The following XKR6 variants were observed in gnomAD, a reference collection of about 807,000 sequenced individuals.
XKR6 encodes the protein XK-related protein 6.
Under a neutral mutation model 56.7 loss-of-function variants are expected in XKR6, and 22 were observed. That is an observed-to-expected ratio of 0.39 (90% CI 0.28 to 0.55). The LOEUF (loss-of-function observed/expected upper bound fraction) is 0.55. Among genes scored for constraint, XKR6 ranks in the 20% least tolerant of loss-of-function variants. The pLI, the probability that XKR6 is intolerant of heterozygous loss-of-function variation, is 0.66. For missense variants in XKR6, 852 were observed against 889.0 expected, an observed-to-expected ratio of 0.96 and a Z score of 0.53; for synonymous variants, 524 against 387.8, an observed-to-expected ratio of 1.35 and a Z score of -4.13.
At chr8:11,029,662 C>T (rs1404797015) in intron 1 of XKR6, among the ~76,000 whole-genome samples, 1 of 152,128 alleles carries the variant, frequency 6.6e-6, no homozygotes, top group Non-Finnish European at 1.5e-5. Context: ...TTCACAGCAG[C>T]CCAGTTGACT....
chr8:11,054,889 G>C (rs1455394150), intron 1 of XKR6, among the ~76,000 whole-genome samples: 1 of 152,188 alleles, frequency 6.6e-6, no homozygotes, highest in Non-Finnish European at 1.5e-5. Flanking sequence ...AGCCACCCAA[G>C]GAAGAGGCCC....
At chr8:11,189,665 G>C (rs960745170) in intron 1 of XKR6, among the ~76,000 whole-genome samples, 1 of 152,108 alleles carries the variant, frequency 6.6e-6, no homozygotes, top group Admixed American at 6.5e-5. Context: ...CTAACTCATA[G>C]ATATTGGCAG....
At chr8:10,919,891 G>C (rs1800663271) in intron 2 of XKR6, among the ~76,000 whole-genome samples, 2 of 152,212 alleles carry the variant, frequency 1.3e-5, no homozygotes, top group South Asian at 4.1e-4. Flanking sequence ...GCTTAAGGAA[G>C]ACCCTGCAGA....
intron 1 of XKR6, among the ~76,000 whole-genome samples, chr8:11,166,354 G>C (rs1170146590): frequency 6.6e-6 from 1 of 152,054 alleles, no homozygotes; most frequent in Non-Finnish European, 1.5e-5. Context: ...AGATCACAAG[G>C]CATCTGCTAT....
At chr8:11,091,715 T>C (rs1285571383) in intron 1 of XKR6, among the ~76,000 whole-genome samples, 1 of 152,128 alleles carries the variant, frequency 6.6e-6, no homozygotes, top group East Asian at 1.9e-4. Context: ...CCATTTGCAG[T>C]GATGCCCTGC....
At chr8:11,085,195 C>T (rs904598792) in intron 1 of XKR6, among the ~76,000 whole-genome samples, 1 of 152,216 alleles carries the variant, frequency 6.6e-6, no homozygotes, top group Non-Finnish European at 1.5e-5. Flanking sequence ...GGGCATCACA[C>T]AGACTTCCTC....
intron 1 of XKR6, among the ~76,000 whole-genome samples, chr8:11,112,182 G>C (rs555224609): frequency 4.6e-5 from 7 of 152,136 alleles, no homozygotes; most frequent in Non-Finnish European, 7.4e-5. Context: ...AGTGGCATTA[G>C]TTCTGTCTTT....
chr8:11,013,603 C>T (rs1798548623), intron 1 of XKR6, among the ~76,000 whole-genome samples: 1 of 152,248 alleles, frequency 6.6e-6, no homozygotes, highest in South Asian at 2.1e-4. Flanking sequence ...TTAAAAATTG[C>T]AGTGCCTAGA....
intron 1 of XKR6, among the ~76,000 whole-genome samples, chr8:11,088,423 T>A (rs1182851967): frequency 2.6e-5 from 4 of 152,230 alleles, no homozygotes; most frequent in Non-Finnish European, 4.4e-5. Flanking sequence ...CATTGCTTTG[T>A]CACGTTACTC....
chr8:10,942,101 C>T (rs1186974704), intron 1 of XKR6, among the ~76,000 whole-genome samples: 2 of 152,140 alleles, frequency 1.3e-5, no homozygotes, highest in Non-Finnish European at 2.9e-5. Flanking sequence ...TGCAGGTGCA[C>T]TATCTCACAC....
chr8:10,976,524 G>A (rs1026945937), intron 1 of XKR6, among the ~76,000 whole-genome samples: 2 of 152,310 alleles, frequency 1.3e-5, no homozygotes, highest in African/African-American at 4.8e-5. Context: ...AGGGCTCCCT[G>A]TGCACGGAGG....
At chr8:11,188,904 T>C (rs115069760) in intron 1 of XKR6, among the ~76,000 whole-genome samples, 113 of 152,266 alleles carry the variant, frequency 7.4e-4, no homozygotes, top group African/African-American at 2.5e-3. Flanking sequence ...TGTACATTTC[T>C]AGGTGGAGTG....
chr8:11,200,795 C>T lies in XKR6; in HGVS notation c.545G>A (p.Arg182His), dbSNP rs1399610520. The change falls in exon 1 of 3, where the codon CGC becomes CAC. Residue 182 changes from arginine (R) to histidine (H), a missense_variant. Physicochemically the swap from Arg to His is conservative, Grantham distance 29. This residue lies in a region of XKR6 where 417 missense variants were observed against 355.2 expected (regional missense o/e 1.17). Coordinates refer to ENST00000416569, the MANE Select transcript of XKR6 (RefSeq NM_173683.4). The surrounding 1 kb of genome is among the most constrained non-coding windows in gnomAD (Gnocchi z 6.4). ...GCCCGTGTAGTCCTGCACGAACCAG[C>T]GGAAGCTCAGGCTCTGCACCAGCAG... ...PSLLVQSLSF[R>H]WFVQDYTGGG... The T allele has an allele frequency of 1.2e-6, 2 of 1,610,222 alleles. No homozygotes were observed. Among genetic ancestry groups the T allele is most frequent in the Non-Finnish European group, 1.7e-6 (2 of 1,178,906 alleles).
chr8:11,155,211 T>G (rs1202761356), intron 1 of XKR6, among the ~76,000 whole-genome samples: 3 of 152,212 alleles, frequency 2.0e-5, no homozygotes, highest in African/African-American at 7.2e-5. Context: ...TACCAAAGCC[T>G]TACTGTCTTG....
intron 1 of XKR6, among the ~76,000 whole-genome samples, chr8:11,099,671 G>C (rs1479503900): frequency 1.3e-5 from 2 of 152,220 alleles, no homozygotes; most frequent in Non-Finnish European, 2.9e-5. Context: ...ATATTATATA[G>C]GTATTGAATT....
chr8:11,072,260 G>A (rs1800150964), intron 1 of XKR6, among the ~76,000 whole-genome samples: 2 of 152,000 alleles, frequency 1.3e-5, no homozygotes, highest in Admixed American at 1.3e-4. Flanking sequence ...GTCTGCTGGA[G>A]AGGCAGCAGG....
intron 1 of XKR6, among the ~76,000 whole-genome samples, chr8:11,199,443 ATCT>A (rs1804075655): frequency 6.6e-6 from 1 of 152,250 alleles, no homozygotes; most frequent in African/African-American, 2.4e-5. Flanking sequence ...AATGCCTAAA[ATCT>A]CCTACTAAGC....
At chr8:10,956,256 G>T (rs1251284413) in intron 1 of XKR6, among the ~76,000 whole-genome samples, 1 of 152,164 alleles carries the variant, frequency 6.6e-6, no homozygotes, top group Non-Finnish European at 1.5e-5. Flanking sequence ...TTCCTCTGTG[G>T]CCTCCCTCAC....
intron 1 of XKR6, among the ~76,000 whole-genome samples, chr8:11,013,750 C>T (rs1182350994): frequency 6.6e-6 from 1 of 152,196 alleles, no homozygotes; most frequent in Non-Finnish European, 1.5e-5. Flanking sequence ...ATTCCCCACC[C>T]ATGTTTGGCA....
Sources: allele counts gnomAD v4.1 joint callset (sites outside exome capture counted in the v4.1 genomes callset), GRCh38; gene constraint gnomAD v4.1.1; regional missense constraint gnomAD v4.1.1; non-coding constraint Gnocchi (gnomAD v3.1); transcripts MANE v1.5; gene names NCBI Gene and HGNC (gene_info 2026-07-23, HGNC 2026-07-21).